Variants in BLTP3B observed in about 807,000 individuals in gnomAD.
BLTP3B encodes bridge-like lipid transfer protein family member 3B, also known as UHRF1 (ICBP90) binding protein 1-like.
the BLTP3B span, among the ~76,000 whole-genome samples, chr12:100,139,365 C>G: frequency 3.9e-5 from 6 of 152,184 alleles, no homozygotes; most frequent in East Asian, 9.6e-4. Context: ...AATCTTGCAA[C>G]TGCACTATAT....
At chr12:100,104,653 C>T in the BLTP3B span, among the ~76,000 whole-genome samples, 7 of 151,538 alleles carry the variant, frequency 4.6e-5, no homozygotes, top group African/African-American at 1.2e-4. Context: ...TACAAAAGTT[C>T]GGCCATTAAT....
the BLTP3B span, among the ~76,000 whole-genome samples, chr12:100,063,119 G>A: frequency 6.6e-6 from 1 of 152,164 alleles, no homozygotes; most frequent in African/African-American, 2.4e-5. Flanking sequence ...AGCAGTGTGT[G>A]GAGGCTCACA....
At chr12:100,068,524 G>A in the BLTP3B span, among the ~76,000 whole-genome samples, 2 of 152,318 alleles carry the variant, frequency 1.3e-5, no homozygotes, top group African/African-American at 2.4e-5. Flanking sequence ...GCTTTGCACA[G>A]CAAAAGGAAC....
At chr12:100,124,362 G>A in the BLTP3B span, among the ~76,000 whole-genome samples, 1 of 151,608 alleles carries the variant, frequency 6.6e-6, no homozygotes, top group Non-Finnish European at 1.5e-5. Context: ...CAGCACTAAG[G>A]GAGGCTGAGG....
At chr12:100,080,512 G>C in the BLTP3B span, among the ~76,000 whole-genome samples, 1 of 152,198 alleles carries the variant, frequency 6.6e-6, no homozygotes, top group Non-Finnish European at 1.5e-5. Flanking sequence ...AATCATTTTG[G>C]AACTTTTAAG....
At chr12:100,092,952 G>A in the BLTP3B span, 22 of 985,146 alleles carry the variant, frequency 2.2e-5, no homozygotes, top group Non-Finnish European at 2.5e-5. Context: ...ATTGGCTAAC[G>A]GTACTACCAA....
chr12:100,142,582 G>C, the BLTP3B span: 1 of 1,607,528 alleles, frequency 6.2e-7, no homozygotes. Flanking sequence ...ACACCGAGGC[G>C]CTCACTGACC....
At chr12:100,106,279 TA>T in the BLTP3B span, among the ~76,000 whole-genome samples, 104,394 of 148,138 alleles carry the variant, frequency 0.7, 37,731 homozygotes, top group East Asian at 0.98. Flanking sequence ...ATGACTCTAT[TA>T]AAAAAAAAAA....
chr12:100,045,713 C>A, the BLTP3B span, among the ~76,000 whole-genome samples: 2 of 152,074 alleles, frequency 1.3e-5, no homozygotes, highest in Non-Finnish European at 2.9e-5. Context: ...GCAACAAAAG[C>A]CAAAATTGAC....
chr12:100,113,001 T>C, the BLTP3B span, among the ~76,000 whole-genome samples: 3 of 151,268 alleles, frequency 2.0e-5, no homozygotes, highest in Non-Finnish European at 2.9e-5. Context: ...CAAAACCCCA[T>C]CTCTACAAAA....
At chr12:100,121,961 T>C in the BLTP3B span, among the ~76,000 whole-genome samples, 1 of 152,014 alleles carries the variant, frequency 6.6e-6, no homozygotes, top group African/African-American at 2.4e-5. Flanking sequence ...TATATGTGTA[T>C]ATATAAATAT....
the BLTP3B span, chr12:100,102,911 T>C: frequency 5.6e-4 from 582 of 1,038,510 alleles, 1 homozygote; most frequent in African/African-American, 8.6e-3. Flanking sequence ...ACGTATATTA[T>C]TAAAGTATTA....
At chr12:100,101,420 A>G in the BLTP3B span, among the ~76,000 whole-genome samples, 1 of 152,292 alleles carries the variant, frequency 6.6e-6, no homozygotes, top group African/African-American at 2.4e-5. Context: ...TCCTCAAGAA[A>G]AGTTTTATCA....
At chr12:100,097,334 A>G in the BLTP3B span, 3 of 1,594,984 alleles carry the variant, frequency 1.9e-6, no homozygotes, top group East Asian at 2.3e-5. Flanking sequence ...CAGTTAACAC[A>G]TGAATCAAAA....
At chr12:100,047,503 A>G in the BLTP3B span, 1 of 1,545,342 alleles carries the variant, frequency 6.5e-7, no homozygotes, top group Non-Finnish European at 8.9e-7. Flanking sequence ...CCATCTCATA[A>G]ATAAACAAAT....
At chr12:100,070,603 TAGACAG>T in the BLTP3B span, among the ~76,000 whole-genome samples, 1 of 152,110 alleles carries the variant, frequency 6.6e-6, no homozygotes, top group Non-Finnish European at 1.5e-5. Flanking sequence ...ATAAAACAGA[TAGACAG>T]CCTTGTAATT....
the BLTP3B span, chr12:100,037,850 G>A: frequency 8.9e-7 from 1 of 1,127,164 alleles, no homozygotes; most frequent in Non-Finnish European, 1.2e-6. Flanking sequence ...ACTTGGGATA[G>A]TAAAAATGCC....
At chr12:100,142,858 C>T in the BLTP3B span, 2 of 551,734 alleles carry the variant, frequency 3.6e-6, no homozygotes, top group Non-Finnish European at 6.1e-6. Context: ...TTGGCTGCAG[C>T]ATCACCTAAG....
chr12:100,109,803 TA>T, the BLTP3B span, among the ~76,000 whole-genome samples: 2 of 151,644 alleles, frequency 1.3e-5, no homozygotes, highest in African/African-American at 4.9e-5. Context: ...ATAGTTAATG[TA>T]AGAGTGAGCA....
Sources: allele counts gnomAD v4.1 joint callset (sites outside exome capture counted in the v4.1 genomes callset), GRCh38; gene constraint gnomAD v4.1.1; transcripts MANE v1.5; gene names NCBI Gene and HGNC (gene_info 2026-07-23, HGNC 2026-07-21).